B3GALT1: variants seen among roughly 807,000 people sequenced by gnomAD.
B3GALT1 encodes the protein UDP-Gal:betaGlcNAc beta 1,3-galactosyltransferase, polypeptide 1.
A neutral mutation model predicts 23.2 loss-of-function variants in B3GALT1; 10 were observed. The observed-to-expected ratio is 0.43, with a 90% CI of 0.27 to 0.73. The LOEUF (loss-of-function observed/expected upper bound fraction) is 0.73. B3GALT1 is among the 30% of genes least tolerant of loss of function. The probability of loss-of-function intolerance (pLI) is 0.21; values close to 1 mark genes in which losing one functional copy is unlikely to be tolerated. For synonymous variants in B3GALT1, 156 were observed against 141.5 expected (o/e 1.10, Z -0.73); for missense variants, 299 against 405.4 (o/e 0.74, Z 2.25).
At chr2:167,313,618 G>A (rs950239119) in intron 1 of B3GALT1, among the ~76,000 whole-genome samples, 8 of 152,052 alleles carry the variant, frequency 5.3e-5, no homozygotes, top group African/African-American at 1.7e-4. Context: ...GGTTAAAGCA[G>A]AAAGAAAAAC....
At chr2:167,741,556 G>T (rs1226832976) in intron 3 of B3GALT1, among the ~76,000 whole-genome samples, 6 of 152,026 alleles carry the variant, frequency 3.9e-5, no homozygotes, top group Non-Finnish European at 8.8e-5. Flanking sequence ...TTTGAAATTT[G>T]CATACTTTTT....
At chr2:167,498,828 C>A (rs1167934174) in intron 2 of B3GALT1, among the ~76,000 whole-genome samples, 1 of 152,070 alleles carries the variant, frequency 6.6e-6, no homozygotes, top group African/African-American at 2.4e-5. Context: ...CTATTAAAAA[C>A]CACTGTCAAG....
chr2:167,632,238 A>G (rs538270075), intron 2 of B3GALT1, among the ~76,000 whole-genome samples: 8 of 152,152 alleles, frequency 5.3e-5, no homozygotes, highest in Admixed American at 4.6e-4. Context: ...TATTGTGAAT[A>G]GTGCTGCAGT....
chr2:167,684,920 A>T (rs185256573), intron 3 of B3GALT1, among the ~76,000 whole-genome samples: 138 of 150,644 alleles, frequency 9.2e-4, no homozygotes, highest in African/African-American at 3.2e-3. Flanking sequence ...TGAAAAATAG[A>T]CACATGACAG....
intron 3 of B3GALT1, among the ~76,000 whole-genome samples, chr2:167,665,080 T>C (rs1686148453): frequency 6.6e-6 from 1 of 152,094 alleles, no homozygotes; most frequent in Admixed American, 6.5e-5. Flanking sequence ...GCCAATTCAG[T>C]ATGATATTGG....
chr2:167,559,937 T>C (rs1421477875), intron 2 of B3GALT1, among the ~76,000 whole-genome samples: 1 of 152,012 alleles, frequency 6.6e-6, no homozygotes, highest in Admixed American at 6.6e-5. Context: ...AACGTTCAGA[T>C]TCAGGAAATA....
At chr2:167,532,319 A>G (rs999123466) in intron 2 of B3GALT1, among the ~76,000 whole-genome samples, 3 of 152,192 alleles carry the variant, frequency 2.0e-5, no homozygotes, top group Admixed American at 2.0e-4. Context: ...GAAATGTTCA[A>G]GGCCATTGAA....
intron 1 of B3GALT1, among the ~76,000 whole-genome samples, chr2:167,382,572 T>G (rs1312093390): frequency 6.6e-6 from 1 of 152,180 alleles, no homozygotes. Flanking sequence ...TACTTTAGAA[T>G]GGAAATCAGT....
chr2:167,735,496 A>G (rs531244647), intron 3 of B3GALT1, among the ~76,000 whole-genome samples: 15 of 152,238 alleles, frequency 9.9e-5, no homozygotes, highest in Non-Finnish European at 1.5e-4. Context: ...TCTTAGCAGG[A>G]ACTGCTTATG....
chr2:167,400,957 G>A (rs960667105), intron 1 of B3GALT1, among the ~76,000 whole-genome samples: 3 of 152,018 alleles, frequency 2.0e-5, no homozygotes, highest in Admixed American at 6.6e-5. Context: ...AGACAGCTTC[G>A]GCTGTCTACT....
intron 3 of B3GALT1, among the ~76,000 whole-genome samples, chr2:167,775,513 G>A (rs1188029062): frequency 1.4e-5 from 2 of 146,154 alleles, no homozygotes; most frequent in African/African-American, 2.5e-5. Flanking sequence ...AGGTTGCAGT[G>A]AGCCGAGATC....
chr2:167,762,919 A>G (rs1217549984), intron 3 of B3GALT1, among the ~76,000 whole-genome samples: 3 of 152,232 alleles, frequency 2.0e-5, no homozygotes, highest in Admixed American at 6.6e-5. Context: ...TTAGAGCACA[A>G]AAAGAATTCT....
intron 1 of B3GALT1, among the ~76,000 whole-genome samples, chr2:167,396,348 T>C (rs1436156867): frequency 6.6e-6 from 1 of 152,042 alleles, no homozygotes; most frequent in Non-Finnish European, 1.5e-5. Flanking sequence ...TGTTTTGCTG[T>C]CCTCTATGTG....
At chr2:167,707,150 G>A (rs1686978181) in intron 3 of B3GALT1, among the ~76,000 whole-genome samples, 1 of 152,170 alleles carries the variant, frequency 6.6e-6, no homozygotes, top group African/African-American at 2.4e-5. Context: ...CCGTGGTAGT[G>A]AGCCACCTTG....
At position 167,870,057 on chromosome 2, in the gene B3GALT1, T is replaced by A; in HGVS notation, c.*37T>A. ...ATGTAAATATGTTTCTTTTCTTTTT[T>A]TAAGAAATGGGACCTAAGGTGTTGG... is the stretch of plus-strand genomic sequence containing the variant. On this transcript the variant is annotated 3_prime_UTR_variant, in exon 5 of 5. Transcript: ENST00000392690. The A allele has an allele frequency of 6.5e-7, 1 of 1,533,622 alleles. No individual in the cohort carries two copies. The highest frequency in any genetic ancestry group is 8.8e-7 in the Non-Finnish European group (1 of 1,137,304).
chr2:167,844,830 GAGGC>G (rs1436735213), intron 4 of B3GALT1, among the ~76,000 whole-genome samples: 4 of 152,216 alleles, frequency 2.6e-5, no homozygotes, highest in Admixed American at 2.6e-4. Context: ...TCCCAGCTGG[GAGGC>G]AGGTAGCCTG....
chr2:167,813,703 G>A (rs1688936160), intron 3 of B3GALT1, among the ~76,000 whole-genome samples: 1 of 152,156 alleles, frequency 6.6e-6, no homozygotes, highest in African/African-American at 2.4e-5. Context: ...CTCAGAAGAA[G>A]AAAGAACTCT....
intron 1 of B3GALT1, among the ~76,000 whole-genome samples, chr2:167,449,672 G>C (rs925575446): frequency 6.6e-6 from 1 of 152,068 alleles, no homozygotes; most frequent in Non-Finnish European, 1.5e-5. Flanking sequence ...TCTAGTTCCA[G>C]TTCTCAAGGG....
At chr2:167,370,715 A>T (rs1328181635) in intron 1 of B3GALT1, among the ~76,000 whole-genome samples, 1 of 152,172 alleles carries the variant, frequency 6.6e-6, no homozygotes, top group African/African-American at 2.4e-5. Flanking sequence ...TCACGAGGTC[A>T]GGTGTTCGAG....
Sources: gnomAD v4.1 joint callset for allele counts (sites outside exome capture counted in the v4.1 genomes callset) on GRCh38, gnomAD v4.1.1 for gene constraint, MANE v1.5 for transcripts, NCBI Gene and HGNC (gene_info 2026-07-23, HGNC 2026-07-21) for gene names.